BFSP1: variants seen among roughly 807,000 people sequenced by gnomAD.
The protein encoded by BFSP1 is filensin.
In BFSP1, 38 loss-of-function variants were observed where a neutral mutation model predicts 43.9. The observed-to-expected ratio is 0.87, with a 90% CI of 0.67 to 1.14. BFSP1 has a LOEUF of 1.14. BFSP1 is among the 50% of genes most tolerant of loss of function. The probability of loss-of-function intolerance (pLI) is 0.00; values close to 1 mark genes in which losing one functional copy is unlikely to be tolerated. For missense variants in BFSP1, 850 were observed against 875.1 expected, an observed-to-expected ratio of 0.97 and a Z score of 0.36; for synonymous variants, 352 against 354.8, an observed-to-expected ratio of 0.99 and a Z score of 0.09.
intron 1 of BFSP1, among the ~76,000 whole-genome samples, chr20:17,546,373 C>T (rs974270611): frequency 2.6e-5 from 4 of 152,136 alleles, no homozygotes; most frequent in African/African-American, 9.7e-5. Context: ...GGGGATTACT[C>T]GTCCTCTCTC....
rs2033959912 is a variant in BFSP1, at chr20:17,507,273, G to C, written c.735+1616C>G. On this transcript the variant is annotated intron_variant, in intron 5 of 7. Coordinates refer to ENST00000377873, the MANE Select transcript of BFSP1 (RefSeq NM_001195.5). This position sits in a 1 kb window ranked among gnomAD's most constrained non-coding sequence, Gnocchi z 4.4. ...CGAGCCATACACATCAGATAGGTAG[G>C]TGTGTGTGTGTGTGTGTGTGTGTGT... Among the ~76,000 whole-genome samples, 1 of 64,198 alleles carries C rather than the reference G, an allele frequency of 1.6e-5. No homozygotes were observed. The highest frequency in any genetic ancestry group is 2.6e-5 in the Non-Finnish European group (1 of 38,372). 42.1% of individuals were successfully genotyped at this position (64,198 alleles called of 152,430 possible). A position where few individuals can be genotyped will look rare whatever the true frequency, so the allele number is the denominator to read the frequency against.
chr20:17,544,307 G>T (rs2034766506), intron 1 of BFSP1, among the ~76,000 whole-genome samples: 1 of 152,144 alleles, frequency 6.6e-6, no homozygotes, highest in Admixed American at 6.5e-5. Context: ...ATTGGTTGAG[G>T]GCTGCTCCCT....
Position 17,524,728 on chromosome 20 carries a change from T to G in BFSP1, c.438+120A>C, listed in dbSNP as rs577806483. On this transcript the variant is annotated intron_variant, in intron 2 of 7. Transcript: ENST00000377873. ...TTAACAAGTCAAGAGACAGAGTGAC[T>G]GCAAAAGAAGTAGTGACCGCCAAAG... The G allele has an allele frequency of 1.7e-5, 18 of 1,078,104 alleles. 1 individual carries two copies. In the East Asian group the frequency reaches 3.6e-4, roughly 22 times the overall value. The allele number at this position is 1,078,104 out of a possible 1,614,324, so 66.8% of individuals were successfully genotyped here.
chr20:17,536,876 T>C (rs2034636272), intron 1 of BFSP1, among the ~76,000 whole-genome samples: 1 of 152,206 alleles, frequency 6.6e-6, no homozygotes, highest in South Asian at 2.1e-4. Flanking sequence ...TATCTAAGGT[T>C]CCTTTCTGCT....
At chr20:17,545,437 T>C (rs1405841897) in intron 1 of BFSP1, among the ~76,000 whole-genome samples, 1 of 152,232 alleles carries the variant, frequency 6.6e-6, no homozygotes, top group East Asian at 1.9e-4. Context: ...TTCCTGGAAT[T>C]CTTTAAGTAA....
chr20:17,494,374 G>A lies in BFSP1; in HGVS notation c.1698C>T (p.Asp566=), dbSNP rs372180196. ...PEEKREGEER[D]EESRRPCAMV... is the part of the protein sequence containing the mutation. ...TGGCACAGGGTCTCCTGGACTCTTC[G>A]TCCCGCTCCTCACCCTCACGTTTCT... Residue 566 remains aspartate (D), a synonymous_variant, in exon 8 of 8, where the codon GAC becomes GAT. Transcript: ENST00000377873. 24 of 1,614,022 alleles carry A rather than the reference G, an allele frequency of 1.5e-5. No homozygotes were observed. The East Asian group carries it at 1.6e-4, about 10-fold the overall frequency.
intron 1 of BFSP1, among the ~76,000 whole-genome samples, chr20:17,545,217 A>G (rs1462817469): frequency 1.3e-5 from 2 of 152,202 alleles, no homozygotes. Context: ...TTTTTTTATT[A>G]GGCAAAGCAT....
intron 3 of BFSP1, among the ~76,000 whole-genome samples, chr20:17,514,008 C>T (rs572603893): frequency 6.6e-5 from 10 of 152,340 alleles, no homozygotes; most frequent in African/African-American, 2.4e-4. Context: ...CACCCCACTA[C>T]AGGCGGAGCA....
chr20:17,532,359 C>T (rs1371624922), upstream of BFSP1, among the ~76,000 whole-genome samples: 9 of 149,480 alleles, frequency 6.0e-5, no homozygotes, highest in African/African-American at 9.9e-5. Flanking sequence ...GAGCCGAGAT[C>T]GCCCCACTGC....
At chr20:17,534,522 C>T (rs2034597024), upstream of BFSP1, among the ~76,000 whole-genome samples, 3 of 152,220 alleles carry the variant, frequency 2.0e-5, no homozygotes, top group South Asian at 4.1e-4. Flanking sequence ...GAGAAATACA[C>T]GTCTTTTATC....
chr20:17,548,180 C>CAA (rs11470598), intron 1 of BFSP1, among the ~76,000 whole-genome samples: 5,974 of 119,360 alleles, frequency 0.05, 303 homozygotes, highest in African/African-American at 0.14. Context: ...GAAAATAATG[C>CAA]AAAAAAAAAA....
intron 1 of BFSP1, among the ~76,000 whole-genome samples, chr20:17,528,078 GC>G (rs946030457): frequency 6.6e-6 from 1 of 152,064 alleles, no homozygotes; most frequent in Non-Finnish European, 1.5e-5. Flanking sequence ...TTTTCCCCTG[GC>G]TTTAGGTAGC....
rs144461090 is a variant in BFSP1 at position 17,529,562 on chromosome 20, T to G, written c.377+1391A>C. On this transcript the variant is annotated intron_variant, in intron 1 of 7. Coordinates refer to ENST00000377873, the MANE Select transcript of BFSP1 (RefSeq NM_001195.5). ...TGTGTGTGTCCTGAAATTCTTTTTA[T>G]GCAAGCAAAAAAAAAACTCTACTCT... Among the ~76,000 whole-genome samples the G allele has an allele frequency of 8.8e-3, 1,338 of 151,982 alleles. 23 individuals are homozygous for G. Among genetic ancestry groups the G allele is most frequent in the African/African-American group, 0.031 (1,289 of 41,460 alleles).
chr20:17,502,883 G>T (rs1005266439), intron 5 of BFSP1, among the ~76,000 whole-genome samples: 2 of 152,134 alleles, frequency 1.3e-5, no homozygotes, highest in Non-Finnish European at 2.9e-5. Flanking sequence ...GGAATATGGG[G>T]ATTGAAAAGA....
chr20:17,549,947 A>C (rs377638929), intron 1 of BFSP1, among the ~76,000 whole-genome samples: 1 of 152,222 alleles, frequency 6.6e-6, no homozygotes, highest in African/African-American at 2.4e-5. Context: ...TTACAATTAG[A>C]CATGAAATTT....
upstream of BFSP1, among the ~76,000 whole-genome samples, chr20:17,531,586 C>A (rs1020576890): frequency 9.2e-5 from 14 of 152,168 alleles, no homozygotes; most frequent in African/African-American, 3.4e-4. Flanking sequence ...GGTTTTTGTT[C>A]CGTGATTGTT....
chr20:17,524,338 A>G (rs1223100552), intron 2 of BFSP1, among the ~76,000 whole-genome samples: 1 of 152,190 alleles, frequency 6.6e-6, no homozygotes, highest in Non-Finnish European at 1.5e-5. Context: ...AGGAAAGTCA[A>G]GTGGCTAAGA....
intron 4 of BFSP1, 119 bp from the exon 5 acceptor site, chr20:17,509,115 C>G: frequency 1.5e-6 from 1 of 663,654 alleles, no homozygotes; most frequent in South Asian, 2.9e-5. Flanking sequence ...GTGTTGAAGC[C>G]CTAACTAACT....
intron 2 of BFSP1, among the ~76,000 whole-genome samples, chr20:17,520,386 AG>A (rs1374046292): frequency 6.6e-6 from 1 of 152,238 alleles, no homozygotes; most frequent in African/African-American, 2.4e-5. Context: ...GGGATTAAAA[AG>A]GAAAAAAAAC....
Sources: gnomAD v4.1 joint callset for allele counts (sites outside exome capture counted in the v4.1 genomes callset) on GRCh38, gnomAD v4.1.1 for gene constraint, Gnocchi (gnomAD v3.1) non-coding constraint, MANE v1.5 for transcripts, NCBI Gene and HGNC (gene_info 2026-07-23, HGNC 2026-07-21) for gene names.